The following GPR107 variants were observed in gnomAD, a reference collection of about 807,000 sequenced individuals.
The protein encoded by GPR107 is protein GPR107.
A neutral mutation model predicts 75.5 loss-of-function variants in GPR107; 31 were observed. The observed-to-expected ratio is 0.41, with a 90% CI of 0.31 to 0.55. The LOEUF (loss-of-function observed/expected upper bound fraction) is 0.55. Ranked by LOEUF, GPR107 falls within the 20% of genes least tolerant of loss-of-function variation. GPR107 has a pLI of 0.26. For synonymous variants in GPR107, 267 were observed against 251.3 expected, an observed-to-expected ratio of 1.06 and a Z score of -0.59; for missense variants, 572 against 665.7, an observed-to-expected ratio of 0.86 and a Z score of 1.55.
chr9:130,099,376 A>T, intron 9 of GPR107, 81 bp from the exon 10 acceptor site: 1 of 800,286 alleles, frequency 1.2e-6, no homozygotes, highest in South Asian at 1.4e-5. Flanking sequence ...TCTCCTTATA[A>T]ATATAGCTAA....
chr9:130,109,496 T>A (rs1000797047), intron 14 of GPR107, among the ~76,000 whole-genome samples: 1 of 151,862 alleles, frequency 6.6e-6, no homozygotes, highest in Non-Finnish European at 1.5e-5. Flanking sequence ...TTGTCCTTAT[T>A]TTTCTTTTAT....
intron 4 of GPR107, among the ~76,000 whole-genome samples, chr9:130,078,335 T>C (rs1830411891): frequency 6.6e-6 from 1 of 152,044 alleles, no homozygotes; most frequent in African/African-American, 2.4e-5. Context: ...AGAGGATGGA[T>C]TTGAGATGAA....
intron 14 of GPR107, chr9:130,114,701 T>C: frequency 4.8e-6 from 5 of 1,050,916 alleles, no homozygotes; most frequent in Non-Finnish European, 5.8e-6. Flanking sequence ...TACTTTCTGA[T>C]CCATATTTGT....
intron 7 of GPR107, among the ~76,000 whole-genome samples, chr9:130,087,831 C>CA (rs201814641): frequency 0.019 from 2,585 of 136,302 alleles, 48 homozygotes; most frequent in Middle Eastern, 0.063. Context: ...AAAAAGCCTA[C>CA]AGTGAAATGC....
chr9:130,116,595 G>A lies in GPR107; in HGVS notation c.1307-8320G>A, dbSNP rs544811047. On this transcript the variant is annotated intron_variant, in intron 14 of 17. Coordinates refer to ENST00000347136, the MANE Select transcript of GPR107 (RefSeq NM_020960.5). ...TCACAGCATTGCGGCTGCAGGCTGC[G>A]GCTGGCAGAGAAACAGGAGAGACTG... Among the ~76,000 whole-genome samples the A allele has an allele frequency of 5.3e-5, 8 of 152,312 alleles. No homozygotes were observed. In the South Asian group the frequency reaches 1.0e-3, roughly 20 times the overall value.
At chr9:130,078,274 A>G (rs1830410312) in intron 4 of GPR107, among the ~76,000 whole-genome samples, 1 of 152,152 alleles carries the variant, frequency 6.6e-6, no homozygotes, top group Non-Finnish European at 1.5e-5. Flanking sequence ...CCTTTAAGGT[A>G]GGAATCATGT....
At chr9:130,091,077 G>A (rs1001188047) in intron 8 of GPR107, 94 bp downstream of exon 8, 3 of 667,280 alleles carry the variant, frequency 4.5e-6, no homozygotes, top group African/African-American at 1.8e-5. Context: ...GAATACTTAA[G>A]AAAAGAATGT....
At chr9:130,061,185 C>T (rs907646829) in intron 1 of GPR107, among the ~76,000 whole-genome samples, 2 of 152,168 alleles carry the variant, frequency 1.3e-5, no homozygotes, top group Non-Finnish European at 2.9e-5. Flanking sequence ...CGGGACTAAG[C>T]CCCGACCTTT....
intron 1 of GPR107, among the ~76,000 whole-genome samples, chr9:130,064,298 C>T (rs976464384): frequency 2.1e-5 from 3 of 143,528 alleles, no homozygotes; most frequent in Non-Finnish European, 3.0e-5. Flanking sequence ...CCCGGGTTCA[C>T]GCCATTCTCC....
chr9:130,121,352 C>T (rs896646663), intron 14 of GPR107, among the ~76,000 whole-genome samples: 3 of 152,012 alleles, frequency 2.0e-5, no homozygotes. Flanking sequence ...AAAATAATTG[C>T]AAAAAAATCT....
chr9:130,131,540 C>T (rs1433739259), intron 17 of GPR107, among the ~76,000 whole-genome samples: 3 of 152,120 alleles, frequency 2.0e-5, no homozygotes, highest in African/African-American at 7.2e-5. Flanking sequence ...TCACCCAAGC[C>T]CAGGGTTGCC....
intron 1 of GPR107, among the ~76,000 whole-genome samples, chr9:130,057,535 C>G (rs1829823310): frequency 6.7e-6 from 1 of 149,908 alleles, no homozygotes; most frequent in Admixed American, 6.7e-5. Flanking sequence ...AGCAAAACAA[C>G]CTTTTTATTG....
At chr9:130,083,687 G>GAT (rs1589498535) in intron 6 of GPR107, 85 bp downstream of exon 6, 3 of 710,298 alleles carry the variant, frequency 4.2e-6, no homozygotes, top group East Asian at 6.0e-5. Context: ...TGTGTGTATT[G>GAT]ATATATATAC....
chr9:130,075,963 G>A (rs934967923), intron 2 of GPR107, among the ~76,000 whole-genome samples: 1 of 151,914 alleles, frequency 6.6e-6, no homozygotes, highest in Non-Finnish European at 1.5e-5. Context: ...TGTATTTTTA[G>A]TAGAGACGGG....
intron 1 of GPR107, among the ~76,000 whole-genome samples, chr9:130,071,032 T>TTC (rs1388371194): frequency 8.4e-5 from 7 of 83,312 alleles, no homozygotes; most frequent in Non-Finnish European, 1.1e-4. Context: ...ACTTTTTTTT[T>TTC]TTCTTTTTTT....
At chr9:130,089,648 T>A (rs755177476) in intron 7 of GPR107, among the ~76,000 whole-genome samples, 4 of 152,154 alleles carry the variant, frequency 2.6e-5, no homozygotes, top group Non-Finnish European at 4.4e-5. Context: ...TTAAAAAAAA[T>A]TATATCTTTT....
chr9:130,103,888 G>A lies in GPR107; in HGVS notation c.1132-532G>A, dbSNP rs1375513820. Among the ~76,000 whole-genome samples the A allele has an allele frequency of 7.2e-5, 11 of 152,294 alleles. No homozygotes were observed. Among genetic ancestry groups the A allele is most frequent in the Middle Eastern group, 6.8e-3 (2 of 294 alleles). On this transcript the variant is annotated intron_variant, in intron 12 of 17. Coordinates refer to ENST00000347136, the MANE Select transcript of GPR107 (RefSeq NM_020960.5). This position sits in a 1 kb window ranked among gnomAD's most constrained non-coding sequence, Gnocchi z 4.3. ...GTCATTCTCTCTCTCAGTTTCTGTG[G>A]GTTAGGAATTCAAGAGTGGCTAGCT...
At chr9:130,085,332 G>T (rs1276093560) in intron 6 of GPR107, among the ~76,000 whole-genome samples, 2 of 152,170 alleles carry the variant, frequency 1.3e-5, no homozygotes, top group Admixed American at 1.3e-4. Flanking sequence ...AGAGGAGTGG[G>T]TCGTAGAAAT....
At chr9:130,105,251 C>CTTT (rs199783444) in intron 13 of GPR107, among the ~76,000 whole-genome samples, 1 of 144,430 alleles carries the variant, frequency 6.9e-6, no homozygotes, top group African/African-American at 2.5e-5. Flanking sequence ...ACAAGTGCTT[C>CTTT]TTTTTTTTTT....
Sources: gnomAD v4.1 joint callset for allele counts (sites outside exome capture counted in the v4.1 genomes callset) on GRCh38, gnomAD v4.1.1 for gene constraint, Gnocchi (gnomAD v3.1) non-coding constraint, MANE v1.5 for transcripts, NCBI Gene and HGNC (gene_info 2026-07-23, HGNC 2026-07-21) for gene names.